Variants in DACH2 observed in about 807,000 individuals in gnomAD.
DACH2 encodes the protein dachshund homolog 2.
In DACH2, 17 loss-of-function variants were observed where a neutral mutation model predicts 35.8. The ratio of observed to expected loss-of-function variants is 0.48; its 90% confidence interval spans 0.33 to 0.71. The LOEUF is 0.71. Among genes scored for constraint, DACH2 ranks in the 30% least tolerant of loss-of-function variants. The probability of loss-of-function intolerance (pLI) is 0.02; values close to 1 mark genes in which losing one functional copy is unlikely to be tolerated. For missense variants in DACH2, 469 were observed against 472.7 expected (o/e 0.99, Z 0.07); for synonymous variants, 195 against 177.3 (o/e 1.10, Z -0.79).
chrX:86,442,355 TTGTGTGTGTGTGTG>T (rs780963312), intron 2 of DACH2, among the ~76,000 whole-genome samples: 2 of 71,337 alleles, frequency 2.8e-5, no homozygotes, highest in Non-Finnish European at 5.1e-5. Flanking sequence ...AAGTAGTATT[TTGTGTGTGTGTGTG>T]TGTGTGTGTG....
At chrX:86,304,000 C>A (rs978043833) in intron 1 of DACH2, among the ~76,000 whole-genome samples, 1 of 111,071 alleles carries the variant, frequency 9.0e-6, no homozygotes, top group African/African-American at 3.3e-5. Flanking sequence ...TTATAGTAAC[C>A]AAAACAGCAT....
At chrX:86,372,209 A>G (rs1372467042) in intron 1 of DACH2, among the ~76,000 whole-genome samples, 16 of 111,238 alleles carry the variant, frequency 1.4e-4, no homozygotes, top group Admixed American at 1.3e-3. Context: ...GTGCTATTCT[A>G]TATATATGGA....
At chrX:86,294,410 T>A (rs1231340685) in intron 1 of DACH2, among the ~76,000 whole-genome samples, 1 of 110,435 alleles carries the variant, frequency 9.1e-6, no homozygotes. Context: ...GTCTGAAGCC[T>A]TCTTCTCTCA....
chrX:86,505,048 G>A (rs916903666), intron 2 of DACH2, among the ~76,000 whole-genome samples: 11 of 111,935 alleles, frequency 9.8e-5, no homozygotes, highest in African/African-American at 1.9e-4. Context: ...AAGTAAGGAC[G>A]TCTCAAGGTG....
intron 2 of DACH2, among the ~76,000 whole-genome samples, chrX:86,390,766 T>C (rs2036188500): frequency 9.2e-6 from 1 of 108,256 alleles, no homozygotes; most frequent in African/African-American, 3.4e-5. Context: ...ATTTTTGTAT[T>C]TTTAGTTAAG....
At chrX:86,810,087 A>G (rs1344508616) in intron 7 of DACH2, among the ~76,000 whole-genome samples, 1 of 111,603 alleles carries the variant, frequency 9.0e-6, no homozygotes, top group East Asian at 2.8e-4. Context: ...ACTATTTTGA[A>G]ACTCCAATTT....
intron 3 of DACH2, among the ~76,000 whole-genome samples, chrX:86,633,480 A>C (rs891372655): frequency 1.9e-4 from 21 of 111,683 alleles, no homozygotes; most frequent in African/African-American, 5.5e-4. Context: ...GACACACACA[A>C]AAAAATCCTG....
At chrX:86,329,410 G>A (rs778564644) in intron 1 of DACH2, among the ~76,000 whole-genome samples, 13 of 111,478 alleles carry the variant, frequency 1.2e-4, no homozygotes, top group Admixed American at 1.1e-3. Flanking sequence ...GAGATGTGAA[G>A]TATGCTTCCC....
intron 2 of DACH2, among the ~76,000 whole-genome samples, chrX:86,394,209 T>G (rs2036246870): frequency 9.1e-6 from 1 of 110,137 alleles, no homozygotes; most frequent in Non-Finnish European, 1.9e-5. Flanking sequence ...TTGTAAGTTC[T>G]ATTAGGGTAA....
At chrX:86,785,667 C>T (rs961053708) in intron 7 of DACH2, among the ~76,000 whole-genome samples, 4 of 111,234 alleles carry the variant, frequency 3.6e-5, no homozygotes, top group East Asian at 2.8e-4. Flanking sequence ...GTGTGGTAGT[C>T]GGGCAGCATA....
chrX:86,778,586 C>T (rs777906364), intron 7 of DACH2, among the ~76,000 whole-genome samples: 14 of 111,269 alleles, frequency 1.3e-4, no homozygotes, highest in Non-Finnish European at 2.6e-4. Flanking sequence ...CATTATGCCC[C>T]GAGAAACTAG....
intron 1 of DACH2, among the ~76,000 whole-genome samples, chrX:86,271,240 A>G (rs1255053802): frequency 9.0e-6 from 1 of 111,572 alleles, no homozygotes; most frequent in Non-Finnish European, 1.9e-5. Flanking sequence ...AGCTTGTTTG[A>G]CTCTCTGACA....
intron 2 of DACH2, among the ~76,000 whole-genome samples, chrX:86,503,851 CTATTGGATCTTGGTAGGTT>C (rs2038285426): frequency 9.0e-6 from 1 of 111,185 alleles, no homozygotes; most frequent in Non-Finnish European, 1.9e-5. Flanking sequence ...TCTTTGTCAG[CTATTGGATCTTGGTAGGTT>C]TATTTACTTA....
chrX:86,319,113 G>A (rs1397370533), intron 1 of DACH2, among the ~76,000 whole-genome samples: 1 of 111,840 alleles, frequency 8.9e-6, no homozygotes, highest in East Asian at 2.8e-4. Flanking sequence ...TTGCTAAAGA[G>A]CAGATTAGCA....
intron 1 of DACH2, among the ~76,000 whole-genome samples, chrX:86,306,995 G>T (rs2034701497): frequency 9.0e-6 from 1 of 111,509 alleles, no homozygotes; most frequent in South Asian, 3.8e-4. Flanking sequence ...ATATTCCTTG[G>T]CATGAACTAT....
At chrX:86,546,320 T>TTTCTTC (rs200687898) in intron 3 of DACH2, among the ~76,000 whole-genome samples, 85 of 78,995 alleles carry the variant, frequency 1.1e-3, no homozygotes, top group Non-Finnish European at 1.9e-3. Flanking sequence ...CTCCTACCTC[T>TTTCTTC]TTCTTCTTCT....
intron 1 of DACH2, among the ~76,000 whole-genome samples, chrX:86,327,210 C>A (rs1304891835): frequency 1.8e-5 from 2 of 111,988 alleles, no homozygotes; most frequent in Non-Finnish European, 3.8e-5. Context: ...GCCCAATATT[C>A]TTTCAGTTGT....
intron 7 of DACH2, among the ~76,000 whole-genome samples, chrX:86,811,870 C>T (rs1222486265): frequency 9.0e-6 from 1 of 111,500 alleles, no homozygotes; most frequent in Non-Finnish European, 1.9e-5. Flanking sequence ...TGTTTTAAAG[C>T]AAATATAAAA....
intron 7 of DACH2, among the ~76,000 whole-genome samples, chrX:86,793,982 T>G (rs948868503): frequency 1.8e-5 from 2 of 112,016 alleles, no homozygotes; most frequent in Non-Finnish European, 3.8e-5. Context: ...TCAAAGAAAT[T>G]TAAAGAATGT....
Sources: gnomAD v4.1 joint callset for allele counts (sites outside exome capture counted in the v4.1 genomes callset) on GRCh38, gnomAD v4.1.1 for gene constraint, MANE v1.5 for transcripts, NCBI Gene and HGNC (gene_info 2026-07-23, HGNC 2026-07-21) for gene names.